Variants in CTDP1 observed in about 807,000 individuals in gnomAD.
The protein encoded by CTDP1 is CTD phosphatase 1, also known as RNA polymerase II subunit A C-terminal domain phosphatase.
In CTDP1, 47 loss-of-function variants were observed where a neutral mutation model predicts 91.8. That is an observed-to-expected ratio of 0.51 (90% CI 0.41 to 0.65). The LOEUF (loss-of-function observed/expected upper bound fraction) is 0.65. CTDP1 is among the 30% of genes least tolerant of loss of function. The probability of loss-of-function intolerance (pLI) is 0.00; values close to 1 mark genes in which losing one functional copy is unlikely to be tolerated. For synonymous variants in CTDP1, 656 were observed against 598.5 expected, an observed-to-expected ratio of 1.10 and a Z score of -1.40; for missense variants, 1,272 against 1,373.7, an observed-to-expected ratio of 0.93 and a Z score of 1.17.
chr18:79,708,209 C>A (rs1461729495), intron 5 of CTDP1, among the ~76,000 whole-genome samples: 1 of 152,206 alleles, frequency 6.6e-6, no homozygotes, highest in Non-Finnish European at 1.5e-5. Flanking sequence ...TCTTACGGAT[C>A]CCACAGTGCA....
chr18:79,755,959 T>G (rs188702686), downstream of CTDP1: 96 of 152,320 alleles, frequency 6.3e-4, 1 homozygote, highest in African/African-American at 1.6e-3. Flanking sequence ...TCTGACCGTG[T>G]GGTCGAGTGA....
At position 79,729,084 on chromosome 18, in the gene CTDP1, C is replaced by T. The variant is rs369744209; in HGVS notation, c.2580+15C>T. 122 of 1,612,166 alleles carry T rather than the reference C, an allele frequency of 7.6e-5. No individual in the cohort carries two copies. Among genetic ancestry groups the T allele is most frequent in the East Asian group, 3.3e-4 (15 of 44,890 alleles). ...TGGACAAAGAGGTGAGCCAACCCCA[C>T]GCCCCGGTGCCCGCGCCAGCGCTCG... On this transcript the variant is annotated intron_variant, in intron 11 of 12. Transcript: ENST00000613122.
upstream of CTDP1, chr18:79,678,658 A>G (rs1053022205): frequency 3.9e-5 from 6 of 152,218 alleles, no homozygotes; most frequent in African/African-American, 1.4e-4. Flanking sequence ...GTGAGGGGGG[A>G]AAAGCAAATA....
In CTDP1 at chr18:79,713,467, T is replaced by C. The variant is rs2086122768; in HGVS notation, c.1030+329T>C. On this transcript the variant is annotated intron_variant, in intron 7 of 12. Coordinates refer to ENST00000613122, the MANE Select transcript of CTDP1 (RefSeq NM_004715.5). This position sits in a 1 kb window ranked among gnomAD's most constrained non-coding sequence, Gnocchi z 4.7. The stretch of plus-strand genomic sequence containing the variant: ...ATCCCTGGGTATTGGGCCATAGTGT[T>C]CTGTAGAGAGAGTGAATGTGGGGGC... Among the ~76,000 whole-genome samples, 1 of 152,140 alleles carries C rather than the reference T, an allele frequency of 6.6e-6. No homozygotes were observed. The highest frequency in any genetic ancestry group is 6.5e-5 in the Admixed American group (1 of 15,284).
chr18:79,705,692 G>GCT (rs1248234768), intron 5 of CTDP1, among the ~76,000 whole-genome samples: 1 of 152,234 alleles, frequency 6.6e-6, no homozygotes, highest in African/African-American at 2.4e-5. Context: ...GTGTAGGCAA[G>GCT]CTCCTCCGTA....
intron 12 of CTDP1, among the ~76,000 whole-genome samples, chr18:79,742,902 G>A (rs1691915738): frequency 6.6e-6 from 1 of 152,214 alleles, no homozygotes; most frequent in South Asian, 2.1e-4. Flanking sequence ...GTTGCAGTGA[G>A]CCAAGATCAT....
chr18:79,728,203 G>T (rs531045430), intron 10 of CTDP1, among the ~76,000 whole-genome samples: 1 of 152,096 alleles, frequency 6.6e-6, no homozygotes, highest in East Asian at 1.9e-4. Flanking sequence ...AGGTTCAAGC[G>T]ATTCTCCTGC....
intron 6 of CTDP1, 62 bp from the exon 7 acceptor site, chr18:79,712,910 C>T: frequency 6.4e-7 from 1 of 1,559,374 alleles, no homozygotes; most frequent in Non-Finnish European, 8.8e-7. Context: ...TTACGCTTGG[C>T]AAGATGAATG....
chr18:79,714,751 C>G lies in CTDP1; in HGVS notation c.1291C>G (p.Gln431Glu), dbSNP rs775746165. 5.6e-6 allele frequency: 9 copies of G among 1,601,650 alleles called. No homozygotes were observed. The highest frequency in any genetic ancestry group is 6.8e-6 in the Non-Finnish European group (8 of 1,175,060). Reference sequence around the variant, plus strand: ...TCCTGAGCCCCAGGGATCCTGTGCGCAGGGTGGCCGGGTGGCACCGGGACA... The same window carrying G: ...TCCTGAGCCCCAGGGATCCTGTGCGGAGGGTGGCCGGGTGGCACCGGGACA... ...GAPEPQGSCA[Q>E]GGRVAPGQRP... The change falls in exon 8 of 13, where the codon CAG becomes GAG. Residue 431 changes from glutamine to glutamate, a missense_variant. By Grantham distance (29) the Gln-to-Glu change is conservative (BLOSUM62 2). Around this residue, in one of 3 missense-constraint regions of CTDP1, gnomAD observed 881 missense variants for 911.6 expected, o/e 0.97. Transcript: ENST00000613122.
chr18:79,750,495 C>CT (rs879879846), intron 12 of CTDP1, among the ~76,000 whole-genome samples: 37 of 149,588 alleles, frequency 2.5e-4, no homozygotes, highest in African/African-American at 8.9e-4. Context: ...GCTACTCTGC[C>CT]TTTTTTTTTC....
intron 12 of CTDP1, among the ~76,000 whole-genome samples, chr18:79,742,334 G>C (rs1478898540): frequency 6.6e-6 from 1 of 152,178 alleles, no homozygotes; most frequent in East Asian, 1.9e-4. Context: ...CCATGGGAGA[G>C]AGGCCTGAGG....
chr18:79,739,772 C>G (rs146585806), intron 12 of CTDP1, among the ~76,000 whole-genome samples: 1,652 of 149,470 alleles, frequency 0.011, 30 homozygotes, highest in African/African-American at 0.04. Context: ...TCATACCCGC[C>G]GCCAGGACGG....
chr18:79,729,049 T>G lies in CTDP1; in HGVS notation c.2560T>G (p.Leu854Val). The G allele has an allele frequency of 1.9e-6, 3 of 1,613,526 alleles. No individual in the cohort carries two copies. The highest frequency in any genetic ancestry group is 2.5e-6 in the Non-Finnish European group (3 of 1,180,014). Residue 854 changes from leucine (L) to valine (V), a missense_variant, in exon 11 of 13, where the codon TTA becomes GTA. Around this residue, in one of 3 missense-constraint regions of CTDP1, gnomAD observed 881 missense variants for 911.6 expected, o/e 0.97. Transcript: ENST00000613122. ...MPLYTLCKED[L>V]ESMDKEVDDI... ...GCTGTACACTCTTTGTAAGGAGGAT[T>G]TAGAGAGTATGGACAAAGAGGTGAG...
chr18:79,720,999 G>A (rs1260913059), intron 10 of CTDP1, among the ~76,000 whole-genome samples: 5 of 152,204 alleles, frequency 3.3e-5, no homozygotes, highest in South Asian at 2.1e-4. Flanking sequence ...AAGAACAGCC[G>A]AATGAGGGGG....
chr18:79,735,084 C>T (rs531447299), intron 11 of CTDP1, among the ~76,000 whole-genome samples: 3 of 152,158 alleles, frequency 2.0e-5, no homozygotes, highest in South Asian at 2.1e-4. Context: ...CATGTGGGCT[C>T]GGGGGCTGAG....
intron 1 of CTDP1, among the ~76,000 whole-genome samples, chr18:79,693,243 C>T (rs761788071): frequency 4.0e-5 from 6 of 151,642 alleles, no homozygotes; most frequent in African/African-American, 4.8e-5. Context: ...GGGGTTTGTG[C>T]GTTTTTTTTG....
In CTDP1 at chr18:79,728,928, G is replaced by A. The variant is rs770864397; in HGVS notation, c.2439G>A (p.Pro813=). Residue 813 remains proline (P), a synonymous_variant, in exon 11 of 13, where the codon CCG becomes CCA. Coordinates refer to ENST00000613122, the MANE Select transcript of CTDP1 (RefSeq NM_004715.5). ...SSFRAVPPPQ[P]QMFGEELPDA... The stretch of plus-strand genomic sequence containing the variant: ...TCAGAGCGGTTCCGCCACCCCAGCC[G>A]CAGATGTTTGGTGAAGAGCTGCCTG... 7.4e-5 allele frequency: 120 copies of A among 1,613,992 alleles called. No homozygotes were observed. Among genetic ancestry groups the A allele is most frequent in the Non-Finnish European group, 9.4e-5 (111 of 1,180,032 alleles).
At position 79,704,935 on chromosome 18, in the gene CTDP1, C is replaced by A; in HGVS notation, c.772+18C>A. On this transcript the variant is annotated intron_variant, in intron 5 of 12. Coordinates refer to ENST00000613122, the MANE Select transcript of CTDP1 (RefSeq NM_004715.5). ...CATCGCAGGTCAGTCAAGCCGCAGC[C>A]GAAGAGGCCGTGTGAACAGTGGGTT... 6.2e-7 allele frequency: 1 copy of A among 1,612,550 alleles called. No individual in the cohort carries two copies. Among genetic ancestry groups the A allele is most frequent in the Non-Finnish European group, 8.5e-7 (1 of 1,180,012 alleles).
At chr18:79,697,420 C>A (rs1420435995) in intron 3 of CTDP1, among the ~76,000 whole-genome samples, 3 of 152,228 alleles carry the variant, frequency 2.0e-5, no homozygotes, top group Non-Finnish European at 4.4e-5. Flanking sequence ...CTTCGAGGCA[C>A]AAGAATAGGC....
Sources: gnomAD v4.1 joint callset for allele counts (sites outside exome capture counted in the v4.1 genomes callset) on GRCh38, gnomAD v4.1.1 for gene constraint, gnomAD v4.1.1 regional missense constraint, Gnocchi (gnomAD v3.1) non-coding constraint, MANE v1.5 for transcripts, NCBI Gene and HGNC (gene_info 2026-07-23, HGNC 2026-07-21) for gene names.